The following TRHDE variants were observed in gnomAD, a reference collection of about 807,000 sequenced individuals.
TRHDE encodes thyrotropin-releasing hormone-degrading ectoenzyme.
A neutral mutation model predicts 125.7 loss-of-function variants in TRHDE; 72 were observed. The ratio of observed to expected loss-of-function variants is 0.57; its 90% CI spans 0.47 to 0.70. The LOEUF (loss-of-function observed/expected upper bound fraction) is 0.70, where lower values mean the gene tolerates loss of function less well. TRHDE is among the 30% of genes least tolerant of loss of function. The pLI, the probability that TRHDE is intolerant of heterozygous loss-of-function variation, is 0.00. For synonymous variants in TRHDE, 509 were observed against 509.1 expected (o/e 1.00, Z 0.00); for missense variants, 1,110 against 1,327.1 (o/e 0.84, Z 2.54).
intron 12 of TRHDE, among the ~76,000 whole-genome samples, chr12:72,600,883 C>G (rs2136058834): frequency 6.6e-6 from 1 of 152,172 alleles, no homozygotes; most frequent in South Asian, 2.1e-4. Context: ...TCCAAGAGCT[C>G]TGATACAGTT....
intron 3 of TRHDE, among the ~76,000 whole-genome samples, chr12:72,435,035 A>G (rs1417444540): frequency 6.6e-6 from 1 of 152,176 alleles, no homozygotes; most frequent in Non-Finnish European, 1.5e-5. Context: ...GAGGTGTATC[A>G]CCCTGTAAAG....
chr12:72,149,293 T>C (rs541229192), intron 2 of TRHDE, among the ~76,000 whole-genome samples: 1 of 152,310 alleles, frequency 6.6e-6, no homozygotes, highest in South Asian at 2.1e-4. Context: ...TAAGTCCTCA[T>C]AGTCCATTCC....
At chr12:72,133,374 A>C (rs1446639909) in intron 2 of TRHDE, among the ~76,000 whole-genome samples, 2 of 152,190 alleles carry the variant, frequency 1.3e-5, no homozygotes, top group Non-Finnish European at 2.9e-5. Context: ...TGGGTAATAC[A>C]GGAATCAACA....
rs188046418 is a variant in TRHDE at position 72,352,432 on chromosome 12, T to C, written c.1189-25563T>C. ...GTCATTTATTAGAAACCCATCTGAG[T>C]GGTATATGGAAATGGTGGTGCCTGG... On this transcript the variant is annotated intron_variant, in intron 2 of 18. Coordinates refer to ENST00000261180, the MANE Select transcript of TRHDE (RefSeq NM_013381.3). Among the ~76,000 whole-genome samples the C allele has an allele frequency of 6.6e-5, 10 of 151,858 alleles. No homozygotes were observed. In the East Asian group the frequency reaches 1.9e-3, roughly 30 times the overall value.
chr12:72,514,678 G>A (rs1414714486), intron 6 of TRHDE, among the ~76,000 whole-genome samples: 2 of 150,832 alleles, frequency 1.3e-5, no homozygotes, highest in Non-Finnish European at 3.0e-5. Context: ...GGGTACATGT[G>A]CACAATGTGC....
chr12:72,389,224 G>A (rs970275139), intron 3 of TRHDE, among the ~76,000 whole-genome samples: 1 of 152,110 alleles, frequency 6.6e-6, no homozygotes, highest in Non-Finnish European at 1.5e-5. Context: ...GGTGACAGTT[G>A]AGTCAAAATC....
intron 2 of TRHDE, among the ~76,000 whole-genome samples, chr12:72,317,754 G>C (rs1868874306): frequency 6.6e-6 from 1 of 152,188 alleles, no homozygotes; most frequent in Non-Finnish European, 1.5e-5. Context: ...TGCAGAGTAA[G>C]AGTAAGAGAA....
At chr12:72,454,408 A>G (rs1875737483) in intron 3 of TRHDE, among the ~76,000 whole-genome samples, 1 of 152,166 alleles carries the variant, frequency 6.6e-6, no homozygotes, top group Admixed American at 6.5e-5. Context: ...AGGTGCTGTC[A>G]TGTGTCCTTT....
At chr12:72,555,148 T>C (rs1231403705) in intron 7 of TRHDE, among the ~76,000 whole-genome samples, 1 of 152,122 alleles carries the variant, frequency 6.6e-6, no homozygotes, top group Non-Finnish European at 1.5e-5. Context: ...TTGGGTGGAG[T>C]AATGGATTTG....
At chr12:72,611,758 T>G (rs1872641811) in intron 12 of TRHDE, among the ~76,000 whole-genome samples, 1 of 152,220 alleles carries the variant, frequency 6.6e-6, no homozygotes, top group African/African-American at 2.4e-5. Flanking sequence ...TCACTTTAAC[T>G]TCTTATGATG....
intron 3 of TRHDE, among the ~76,000 whole-genome samples, chr12:72,466,323 T>C (rs1045570371): frequency 7.9e-5 from 12 of 152,180 alleles, no homozygotes; most frequent in African/African-American, 2.9e-4. Context: ...TGGCTTGATA[T>C]GCTAGCTTAG....
At chr12:72,660,622 CAA>C (rs767972424) in intron 18 of TRHDE, among the ~76,000 whole-genome samples, 3 of 152,130 alleles carry the variant, frequency 2.0e-5, no homozygotes, top group Non-Finnish European at 4.4e-5. Context: ...AGTAATGCAA[CAA>C]AGAGTAATAT....
chr12:72,516,041 G>A (rs1263237961), intron 6 of TRHDE, among the ~76,000 whole-genome samples: 1 of 151,512 alleles, frequency 6.6e-6, no homozygotes. Flanking sequence ...TTTGGTTACT[G>A]TAGCCTTGTG....
intron 2 of TRHDE, among the ~76,000 whole-genome samples, chr12:72,359,744 G>T (rs1870983553): frequency 6.6e-6 from 1 of 151,592 alleles, no homozygotes; most frequent in Non-Finnish European, 1.5e-5. Context: ...TGCAGTGCTA[G>T]CAACATTTAC....
intron 2 of TRHDE, among the ~76,000 whole-genome samples, chr12:72,152,815 T>A (rs1488849582): frequency 6.6e-6 from 1 of 152,206 alleles, no homozygotes; most frequent in Non-Finnish European, 1.5e-5. Context: ...TTATTGAGGA[T>A]TTTTGCATCA....
intron 2 of TRHDE, among the ~76,000 whole-genome samples, chr12:72,108,119 G>C (rs1171508729): frequency 6.6e-6 from 1 of 152,132 alleles, no homozygotes; most frequent in Non-Finnish European, 1.5e-5. Flanking sequence ...ATTCTGGGAA[G>C]TGGTCTTGTT....
intron 2 of TRHDE, among the ~76,000 whole-genome samples, chr12:72,335,426 G>C (rs553605578): frequency 6.6e-6 from 1 of 152,168 alleles, no homozygotes; most frequent in East Asian, 1.9e-4. Context: ...TCTTTTCTGT[G>C]GTGGGCCAGA....
intron 6 of TRHDE, among the ~76,000 whole-genome samples, chr12:72,508,689 A>G (rs925475702): frequency 5.9e-5 from 9 of 152,158 alleles, no homozygotes; most frequent in African/African-American, 2.2e-4. Context: ...TTAAGACTTT[A>G]GGGGACTGCT....
chr12:72,211,051 T>C (rs919749390), intron 2 of TRHDE, among the ~76,000 whole-genome samples: 1 of 152,214 alleles, frequency 6.6e-6, no homozygotes, highest in African/African-American at 2.4e-5. Context: ...CTGACTCCTG[T>C]ATTTGTTTCC....
Sources: allele counts gnomAD v4.1 joint callset (sites outside exome capture counted in the v4.1 genomes callset), GRCh38; gene constraint gnomAD v4.1.1; transcripts MANE v1.5; gene names NCBI Gene and HGNC (gene_info 2026-07-23, HGNC 2026-07-21).